The following RBMS3 variants were observed in gnomAD, a reference collection of about 807,000 sequenced individuals.
The protein encoded by RBMS3 is RNA binding motif single stranded interacting protein 3, also known as RNA-binding motif, single-stranded-interacting protein 3.
A neutral mutation model predicts 66.8 loss-of-function variants in RBMS3; 27 were observed. That is an observed-to-expected ratio of 0.40 (90% confidence interval 0.30 to 0.56). RBMS3 has a LOEUF of 0.56. Ranked by LOEUF, RBMS3 falls within the 20% of genes least tolerant of loss-of-function variation. RBMS3 has a pLI of 0.40. For synonymous variants in RBMS3, 188 were observed against 183.0 expected, an observed-to-expected ratio of 1.03 and a Z score of -0.22; for missense variants, 513 against 549.5, an observed-to-expected ratio of 0.93 and a Z score of 0.66.
chr3:29,461,169 C>T (rs560147562), intron 2 of RBMS3, among the ~76,000 whole-genome samples: 13 of 152,186 alleles, frequency 8.5e-5, no homozygotes, highest in Non-Finnish European at 1.5e-4. Context: ...CTTTCTTGTG[C>T]GCTTCATTTT....
At chr3:29,551,396 T>C (rs1377551386) in intron 3 of RBMS3, among the ~76,000 whole-genome samples, 1 of 152,202 alleles carries the variant, frequency 6.6e-6, no homozygotes, top group Admixed American at 6.5e-5. Flanking sequence ...CAAAATAAGA[T>C]AGTAAGCCCC....
At chr3:29,576,303 T>G (rs1031745721) in intron 3 of RBMS3, among the ~76,000 whole-genome samples, 1 of 152,154 alleles carries the variant, frequency 6.6e-6, no homozygotes, top group Non-Finnish European at 1.5e-5. Flanking sequence ...TTTCCTTTAC[T>G]TTCTCCCAAA....
chr3:29,817,590 T>C (rs967933234), intron 6 of RBMS3, among the ~76,000 whole-genome samples: 2 of 152,184 alleles, frequency 1.3e-5, no homozygotes, highest in African/African-American at 2.4e-5. Context: ...TGATTATTTC[T>C]GATTGAATCT....
intron 2 of RBMS3, among the ~76,000 whole-genome samples, chr3:29,481,579 G>T (rs529428933): frequency 1.3e-5 from 2 of 152,252 alleles, no homozygotes; most frequent in South Asian, 2.1e-4. Context: ...AGATTAGGAG[G>T]GACAAGCATA....
At chr3:29,605,775 G>A (rs1330309859) in intron 4 of RBMS3, among the ~76,000 whole-genome samples, 1 of 151,740 alleles carries the variant, frequency 6.6e-6, no homozygotes. Context: ...GGTGGATTTA[G>A]TATACCATGT....
chr3:29,888,082 C>A (rs1053890341), intron 8 of RBMS3, among the ~76,000 whole-genome samples: 37 of 151,620 alleles, frequency 2.4e-4, no homozygotes, highest in African/African-American at 8.5e-4. Context: ...GCAGGTACAT[C>A]CGTTAACCTT....
chr3:29,326,880 AC>A (rs2035369369), intron 1 of RBMS3, among the ~76,000 whole-genome samples: 1 of 151,850 alleles, frequency 6.6e-6, no homozygotes, highest in Non-Finnish European at 1.5e-5. Flanking sequence ...ACAGACGTGC[AC>A]CACCACGCCC....
chr3:29,833,282 T>C (rs1382035414), intron 6 of RBMS3, among the ~76,000 whole-genome samples: 1 of 152,040 alleles, frequency 6.6e-6, no homozygotes, highest in African/African-American at 2.4e-5. Context: ...TATGATACCA[T>C]CAAAGGAGTA....
Position 29,661,079 on chromosome 3 carries a change from C to T in RBMS3, c.399+73874C>T, listed in dbSNP as rs545896736. 1.6e-4 allele frequency among the ~76,000 whole-genome samples: 25 copies of T among 152,258 alleles called. No individual in the cohort carries two copies. The South Asian group carries it at 3.5e-3, about 22-fold the overall frequency. On this transcript the variant is annotated intron_variant, in intron 4 of 14. Transcript: ENST00000383767. Reference sequence around the variant, plus strand: ...GGAGCATGCGTACAGCTACCTGCCACGAGGATTGGGGTGGGGAATGGGTAG... The same window carrying T: ...GGAGCATGCGTACAGCTACCTGCCATGAGGATTGGGGTGGGGAATGGGTAG...
At chr3:29,955,326 T>A (rs1022648127) in intron 12 of RBMS3, among the ~76,000 whole-genome samples, 2 of 152,054 alleles carry the variant, frequency 1.3e-5, no homozygotes, top group African/African-American at 4.8e-5. Flanking sequence ...CAGCTGATAG[T>A]TTAAACATAT....
chr3:29,695,672 A>G (rs1464854693), intron 4 of RBMS3, among the ~76,000 whole-genome samples: 3 of 152,174 alleles, frequency 2.0e-5, no homozygotes, highest in Admixed American at 2.0e-4. Context: ...AGTAGTAATT[A>G]CAGGAAGTTA....
intron 3 of RBMS3, among the ~76,000 whole-genome samples, chr3:29,546,581 G>A (rs900711689): frequency 1.3e-5 from 2 of 152,158 alleles, no homozygotes; most frequent in African/African-American, 4.8e-5. Context: ...CTTTATTACA[G>A]TTCTGGAAGA....
At chr3:29,985,267 G>A (rs1453665665) in intron 12 of RBMS3, among the ~76,000 whole-genome samples, 1 of 152,208 alleles carries the variant, frequency 6.6e-6, no homozygotes, top group East Asian at 1.9e-4. Context: ...ACTTCAGACT[G>A]CTGTGCTGGC....
chr3:29,582,442 G>C (rs2047365997), intron 3 of RBMS3, among the ~76,000 whole-genome samples: 1 of 152,190 alleles, frequency 6.6e-6, no homozygotes, highest in South Asian at 2.1e-4. Flanking sequence ...AGAAAAACAA[G>C]GACAGGAGTG....
In RBMS3 at chr3:30,000,760, C is replaced by T. The variant is rs138013091; in HGVS notation, c.1308-3096C>T. Among the ~76,000 whole-genome samples, 830 of 152,146 alleles carry T rather than the reference C, an allele frequency of 5.5e-3. 5 individuals are homozygous for T. Among genetic ancestry groups the T allele is most frequent in the African/African-American group, 0.019 (781 of 41,498 alleles). On this transcript the variant is annotated intron_variant, in intron 14 of 14. Coordinates refer to ENST00000383767, the MANE Select transcript of RBMS3 (RefSeq NM_001003793.3). ...GTAGGGACATGGATGAAACTGGAAACCATCATTCTCAGCAAACTAACACAA... is the reference window on the plus strand; with the variant it reads ...GTAGGGACATGGATGAAACTGGAAATCATCATTCTCAGCAAACTAACACAA...
At chr3:29,379,814 G>A (rs1575662246) in intron 1 of RBMS3, among the ~76,000 whole-genome samples, 1 of 152,164 alleles carries the variant, frequency 6.6e-6, no homozygotes, top group Non-Finnish European at 1.5e-5. Flanking sequence ...GTGCTGCCTT[G>A]ATCCACATTG....
chr3:29,799,770 T>C (rs1236704779), intron 6 of RBMS3, among the ~76,000 whole-genome samples: 1 of 152,216 alleles, frequency 6.6e-6, no homozygotes, highest in Non-Finnish European at 1.5e-5. Context: ...GTTAGAAAGC[T>C]GATCCTAAAA....
At chr3:29,412,779 A>G (rs949034395) in intron 1 of RBMS3, among the ~76,000 whole-genome samples, 9 of 152,194 alleles carry the variant, frequency 5.9e-5, no homozygotes, top group Non-Finnish European at 1.3e-4. Context: ...GACATGAGAA[A>G]AAAATGTCTC....
intron 6 of RBMS3, among the ~76,000 whole-genome samples, chr3:29,860,478 C>G (rs2059185227): frequency 6.6e-6 from 1 of 152,140 alleles, no homozygotes; most frequent in African/African-American, 2.4e-5. Context: ...TTTTAAAACT[C>G]TGTGGAATTG....
Sources: allele counts gnomAD v4.1 joint callset (sites outside exome capture counted in the v4.1 genomes callset), GRCh38; gene constraint gnomAD v4.1.1; transcripts MANE v1.5; gene names NCBI Gene and HGNC (gene_info 2026-07-23, HGNC 2026-07-21).